Variants in INO80B observed in about 807,000 individuals in gnomAD.
INO80B encodes INO80 complex subunit B, also known as IES2 homolog.
A neutral mutation model predicts 31.4 loss-of-function variants in INO80B; 18 were observed. The observed-to-expected ratio is 0.57, with a 90% CI of 0.40 to 0.85. INO80B has a LOEUF of 0.85. Among genes scored for constraint, INO80B ranks in the 40% least tolerant of loss-of-function variants. The pLI is 0.00. For synonymous variants in INO80B, 238 were observed against 199.0 expected, an observed-to-expected ratio of 1.20 and a Z score of -1.65; for missense variants, 469 against 475.4, an observed-to-expected ratio of 0.99 and a Z score of 0.13.
chr2:74,456,582 A>G lies in INO80B; in HGVS notation c.540+310A>G, dbSNP rs77080618. 6.2e-3 allele frequency among the ~76,000 whole-genome samples: 945 copies of G among 152,364 alleles called. 9 individuals are homozygous for G. The highest frequency in any genetic ancestry group is 0.017 in the African/African-American group (709 of 41,598). On this transcript the variant is annotated intron_variant, in intron 4 of 4. Coordinates refer to ENST00000233331, the MANE Select transcript of INO80B (RefSeq NM_031288.4). ...TAGAGAAGGCTTCTTTGAAGAGATA[A>G]CATTTGCAATACCAGAAGAGCTTTT...
In INO80B at chr2:74,457,792, G is replaced by T; in HGVS notation, c.999G>T (p.Gln333His). ...CAGGCCAGGCACTCTGTAGTCTTCA[G>T]TGCTACCGCATCAACCTGCAGATGC... The part of the protein sequence containing the change: ...SRTGQALCSL[Q>H]CYRINLQMRL... Residue 333 changes from glutamine to histidine, a missense_variant, in exon 5 of 5, where the codon CAG becomes CAT. Gln to His is a conservative substitution (Grantham distance 24). This residue lies in a region of INO80B where 201 missense variants were observed against 151.7 expected (regional missense o/e 1.32). Transcript: ENST00000233331. 6.3e-7 allele frequency: 1 copy of T among 1,594,374 alleles called. No homozygotes were observed. Among genetic ancestry groups the T allele is most frequent in the Non-Finnish European group, 8.5e-7 (1 of 1,177,856 alleles).
At position 74,457,424 on chromosome 2, in the gene INO80B, G is replaced by A. The variant is rs1272313563; in HGVS notation, c.631G>A (p.Glu211Lys). Residue 211 changes from glutamate to lysine, a missense_variant, in exon 5 of 5, where the codon GAG becomes AAG. By Grantham distance (56) the Glu-to-Lys change is moderately conservative. Coordinates refer to ENST00000233331, the MANE Select transcript of INO80B (RefSeq NM_031288.4). ...EGCPPPALTE[E>K]MLLKREERAR... Reference sequence around the variant, plus strand: ...CTGCCCACCTCCCGCCCTCACAGAGGAGATGCTGCTGAAGCGCGAGGAGCG... The same window carrying A: ...CTGCCCACCTCCCGCCCTCACAGAGAAGATGCTGCTGAAGCGCGAGGAGCG... 1.8e-5 allele frequency: 28 copies of A among 1,598,488 alleles called. No homozygotes were observed. Among genetic ancestry groups the A allele is most frequent in the Non-Finnish European group, 6.8e-6 (8 of 1,173,156 alleles).
rs772649133 is a variant in INO80B, at chr2:74,457,320, CT to C, written c.541-13del. 6.3e-4 allele frequency: 1,014 copies of C among 1,599,968 alleles called. No individual in the cohort carries two copies. The highest frequency in any genetic ancestry group is 8.0e-4 in the Non-Finnish European group (938 of 1,174,156). On this transcript the variant is annotated splice_polypyrimidine_tract_variant and intron_variant, in intron 4 of 4. Transcript: ENST00000233331. ...TCCATTTTCAGACAGCACCCCGTCT[CT>C]GTCTCTCCCTAGCGAGCTCTGCTCC... is the stretch of plus-strand genomic sequence containing the variant.
At position 74,456,209 on chromosome 2, in the gene INO80B, G is replaced by A; in HGVS notation, c.477G>A (p.Gly159=). 1 of 1,614,148 alleles carries A rather than the reference G, an allele frequency of 6.2e-7. No homozygotes were observed. The change falls in exon 4 of 5, where the codon GGG becomes GGA. Residue 159 remains glycine, a synonymous_variant. Transcript: ENST00000233331. ...GGTGGCTGGATGCCCTGGAGAAGGG[G>A]GAGCTGGATGACAATGGAGACCTCA... ...EQRWLDALEK[G]ELDDNGDLKK...
Position 74,457,655 on chromosome 2 carries a change from C to T in INO80B, c.862C>T (p.Pro288Ser), listed in dbSNP as rs368705071. ...ACAGGGTTCCACCCTTTCCTTCCCA[C>T]CTGGCGTCCCCGCCCCCACGGCAGT... ...GAQGSTLSFP[P>S]GVPAPTAVSQ... Residue 288 changes from proline (P) to serine (S), a missense_variant, in exon 5 of 5, where the codon CCT becomes TCT. Physicochemically the swap from Pro to Ser is moderately conservative, Grantham distance 74 (BLOSUM62 -1). Around this residue, in one of 3 missense-constraint regions of INO80B, gnomAD observed 201 missense variants for 151.7 expected, o/e 1.32. Coordinates refer to ENST00000233331, the MANE Select transcript of INO80B (RefSeq NM_031288.4). The T allele has an allele frequency of 4.4e-6, 7 of 1,599,576 alleles. No individual in the cohort carries two copies. In the African/African-American group the frequency reaches 8.0e-5, roughly 18 times the overall value.
At chr2:74,455,998 G>C (rs1324994312) in intron 3 of INO80B, 62 bp downstream of exon 3, 1 of 1,549,362 alleles carries the variant, frequency 6.5e-7, no homozygotes, top group Non-Finnish European at 8.9e-7. Flanking sequence ...AAAGAAGGTT[G>C]GTTCTGAAAT....
chr2:74,456,327 T>G, intron 4 of INO80B, 55 bp downstream of exon 4: 1 of 1,585,670 alleles, frequency 6.3e-7, no homozygotes. Flanking sequence ...TTGAGAACTC[T>G]CCACGACCCA....
intron 1 of INO80B, 69 bp from the exon 2 acceptor site, chr2:74,455,337 G>T (rs1193367164): frequency 6.3e-7 from 1 of 1,587,214 alleles, no homozygotes; most frequent in Non-Finnish European, 8.7e-7. Context: ...TCCAGTAGGG[G>T]CTTAGGTTAT....
intron 2 of INO80B, 96 bp downstream of exon 2, chr2:74,455,694 C>CAA: frequency 7.0e-7 from 1 of 1,437,104 alleles, no homozygotes; most frequent in Non-Finnish European, 9.5e-7. Context: ...CGAATGGACA[C>CAA]TGTGACTTCA....
At chr2:74,457,170 T>G (rs1161898775) in intron 4 of INO80B, among the ~76,000 whole-genome samples, 164 bp from the exon 5 acceptor site, 2 of 152,102 alleles carry the variant, frequency 1.3e-5, no homozygotes, top group Non-Finnish European at 2.9e-5. Context: ...CTATGGAAGG[T>G]GTCCTGGAGA....
chr2:74,455,979 C>A (rs754182463), intron 3 of INO80B, 43 bp downstream of exon 3: 1 of 1,552,018 alleles, frequency 6.4e-7, no homozygotes, highest in Non-Finnish European at 8.9e-7. Flanking sequence ...TTATTATACC[C>A]GCCTAAAGAA....
Position 74,457,584 on chromosome 2 carries a change from G to T in INO80B, c.791G>T (p.Gly264Val). 2.0e-6 allele frequency: 3 copies of T among 1,520,126 alleles called. No homozygotes were observed. The highest frequency in any genetic ancestry group is 2.6e-6 in the Non-Finnish European group (3 of 1,138,866). 94.2% of individuals were successfully genotyped at this position (1,520,126 alleles called of 1,614,324 possible). Residue 264 changes from glycine to valine, a missense_variant, in exon 5 of 5, where the codon GGG (glycine) becomes GTG (valine). Physicochemically the swap from Gly to Val is moderately radical, Grantham distance 109 (BLOSUM62 -3). This residue lies in a region of INO80B where 201 missense variants were observed against 151.7 expected (regional missense o/e 1.32). Coordinates refer to ENST00000233331, the MANE Select transcript of INO80B (RefSeq NM_031288.4). ...RGGARGERRGGRAAAPAPMVR... is the reference protein window; with the variant it reads ...RGGARGERRGVRAAAPAPMVR... ...GGCGCACGGGGCGAGCGGCGGGGAG[G>T]GCGGGCTGCGGCTCCGGCCCCCATG...
Position 74,457,704 on chromosome 2 carries a change from G to A in INO80B, c.911G>A (p.Gly304Asp). 1.3e-6 allele frequency: 2 copies of A among 1,599,590 alleles called. No individual in the cohort carries two copies. Residue 304 changes from glycine to aspartate, a missense_variant, in exon 5 of 5, where the codon GGC becomes GAC. Transcript: ENST00000233331. The stretch of plus-strand genomic sequence containing the variant: ...GTGTCTCAGCGGCCATCCCCCTCAG[G>A]CCCGCCGCCGCGCTGCTCTGTCCCC... ...TAVSQRPSPS[G>D]PPPRCSVPGC...
rs748209213 is a variant in INO80B, at chr2:74,457,783, T to C, written c.990T>C (p.Cys330=). 1 of 1,596,882 alleles carries C rather than the reference T, an allele frequency of 6.3e-7. No homozygotes were observed. The highest frequency in any genetic ancestry group is 8.5e-7 in the Non-Finnish European group (1 of 1,178,792). ...YACSRTGQAL[C]SLQCYRINLQ... is the part of the protein sequence containing the mutation. ...GCTCCCGCACAGGCCAGGCACTCTG[T>C]AGTCTTCAGTGCTACCGCATCAACC... The change falls in exon 5 of 5, where the codon TGT becomes TGC. Residue 330 remains cysteine (C), a synonymous_variant. Transcript: ENST00000233331.
intron 1 of INO80B, 60 bp from the exon 2 acceptor site, chr2:74,455,346 A>T (rs763001891): frequency 6.3e-7 from 1 of 1,599,610 alleles, no homozygotes. Context: ...GGCTTAGGTT[A>T]TTCAGGGCTT....
chr2:74,457,528 T>G lies in INO80B; in HGVS notation c.735T>G (p.Thr245=). Residue 245 remains threonine, a synonymous_variant, in exon 5 of 5, where the codon ACT becomes ACG. Coordinates refer to ENST00000233331, the MANE Select transcript of INO80B (RefSeq NM_031288.4). Reference sequence around the variant, plus strand: ...AGACTATCGAGCGCCTCACCAAGACTGCGGCGACCAGTGGGCGGGGAGGCC... The same window carrying G: ...AGACTATCGAGCGCCTCACCAAGACGGCGGCGACCAGTGGGCGGGGAGGCC... The part of the protein sequence containing the change: ...KNQTIERLTK[T]AATSGRGGRG... The G allele has an allele frequency of 6.6e-7, 1 of 1,524,736 alleles. No homozygotes were observed. The allele number at this position is 1,524,736 out of a possible 1,614,324, so 94.5% of individuals were successfully genotyped here.
chr2:74,455,968 CTTA>C, intron 3 of INO80B, 32 bp downstream of exon 3: 1 of 1,561,676 alleles, frequency 6.4e-7, no homozygotes, highest in South Asian at 1.1e-5. Flanking sequence ...AACTGGGTTT[CTTA>C]TTATACCCGC....
rs1412548136 is a variant in INO80B, at chr2:74,457,385, C to T, written c.592C>T (p.Pro198Ser). Reference sequence around the variant, plus strand: ...TCAACCTTCCCCTATGCTGCCGCTGCCTGTAGCTGAGGGCTGCCCACCTCC... The same window carrying T: ...TCAACCTTCCCCTATGCTGCCGCTGTCTGTAGCTGAGGGCTGCCCACCTCC... ...RSQPSPMLPL[P>S]VAEGCPPPAL... The change falls in exon 5 of 5, where the codon CCT (proline) becomes TCT (serine). Residue 198 changes from proline (P) to serine (S), a missense_variant. Pro to Ser is a moderately conservative substitution (Grantham distance 74, BLOSUM62 -1). Transcript: ENST00000233331. The T allele has an allele frequency of 2.5e-6, 4 of 1,608,392 alleles. No individual in the cohort carries two copies. In the East Asian group the frequency reaches 6.7e-5, roughly 27 times the overall value.
rs1349667733 is a variant in INO80B, at chr2:74,455,510, G to A, written c.163G>A (p.Glu55Lys). ...KKHKKKHHQE[E>K]DAGPTQPSPA... ...ACACAAGAAGAAACACCATCAGGAA[G>A]AAGACGCCGGGCCCACGCAGCCGTC... Residue 55 changes from glutamate to lysine, a missense_variant, in exon 2 of 5, where the codon GAA (glutamate) becomes AAA (lysine). Physicochemically the swap from Glu to Lys is moderately conservative, Grantham distance 56. Around this residue, in one of 3 missense-constraint regions of INO80B, gnomAD observed 223 missense variants for 253.4 expected, o/e 0.88. Transcript: ENST00000233331. 1.2e-6 allele frequency: 2 copies of A among 1,614,038 alleles called. No homozygotes were observed. The highest frequency in any genetic ancestry group is 2.2e-5 in the East Asian group (1 of 44,894).
Sources: allele counts gnomAD v4.1 joint callset (sites outside exome capture counted in the v4.1 genomes callset), GRCh38; gene constraint gnomAD v4.1.1; regional missense constraint gnomAD v4.1.1; transcripts MANE v1.5; gene names NCBI Gene and HGNC (gene_info 2026-07-23, HGNC 2026-07-21).